Variants in PLCH1 observed in about 807,000 individuals in gnomAD.
PLCH1 encodes the protein 1-phosphatidylinositol 4,5-bisphosphate phosphodiesterase eta-1.
A neutral mutation model predicts 126.7 loss-of-function variants in PLCH1; 60 were observed. The observed-to-expected ratio is 0.47, with a 90% CI of 0.38 to 0.59. The LOEUF (loss-of-function observed/expected upper bound fraction) is 0.59, where lower values mean the gene tolerates loss of function less well. PLCH1 is among the 20% of genes least tolerant of loss of function. The probability of loss-of-function intolerance (pLI) is 0.00; values close to 1 mark genes in which losing one functional copy is unlikely to be tolerated. For missense variants in PLCH1, 1,723 were observed against 2,040.0 expected (o/e 0.84, Z 2.99); for synonymous variants, 719 against 734.9 (o/e 0.98, Z 0.35).
At chr3:155,664,162 G>A (rs893548252) in intron 2 of PLCH1, among the ~76,000 whole-genome samples, 4 of 152,172 alleles carry the variant, frequency 2.6e-5, no homozygotes, top group African/African-American at 9.7e-5. Context: ...ATAGTAGAGG[G>A]GATTCAGCTG....
At position 155,471,439 on chromosome 3, in the gene PLCH1, G is replaced by A. The variant is rs1185886668; in HGVS notation, c.2938+13917C>T. On this transcript the variant is annotated intron_variant, in intron 21 of 21. Coordinates refer to the PLCH1 transcript ENST00000494598. ...CAGATTCATAAAGCAAGTCCTGAGT[G>A]ACCTACAAAGAGACTTAGACTCCCA... is the stretch of plus-strand genomic sequence containing the variant. 2.0e-5 allele frequency among the ~76,000 whole-genome samples: 3 copies of A among 149,160 alleles called. No homozygotes were observed. In the Admixed American group the frequency reaches 2.0e-4, roughly 10 times the overall value.
At position 155,486,307 on chromosome 3, in the gene PLCH1, A is replaced by G. The variant is rs1382380024; in HGVS notation, c.2620-597T>C. 4.3e-6 allele frequency: 3 copies of G among 690,140 alleles called. No homozygotes were observed. In the Admixed American group the frequency reaches 8.3e-5, roughly 19 times the overall value. 42.8% of individuals were successfully genotyped at this position (690,140 alleles called of 1,614,324 possible). A position where few individuals can be genotyped will look rare whatever the true frequency, so the allele number is the denominator to read the frequency against. On this transcript the variant is annotated intron_variant, in intron 21 of 22. Transcript: ENST00000460012. ...AGAAAAAATGCATACATGTCTATAA[A>G]CCCTTTCTCTTAGTTTTGGGGATTT... is the stretch of plus-strand genomic sequence containing the variant.
rs75202751 is a variant in PLCH1, at chr3:155,575,878, A to C, written c.772-7554T>G. On this transcript the variant is annotated intron_variant, in intron 6 of 22. Transcript: ENST00000460012. ...ATTGTTCAGACTGATCTTGAACTCC[A>C]GGGCTCAAGTGATCCTCCTGCCTGC... 3.0e-3 allele frequency among the ~76,000 whole-genome samples: 453 copies of C among 152,202 alleles called. 3 individuals are homozygous for C. The highest frequency in any genetic ancestry group is 0.01 in the African/African-American group (423 of 41,548).
At chr3:155,469,797 C>T (rs1713104474) in intron 21 of PLCH1, among the ~76,000 whole-genome samples, 2 of 151,990 alleles carry the variant, frequency 1.3e-5, no homozygotes, top group South Asian at 2.1e-4. Flanking sequence ...AACTGGGAGG[C>T]ACCCCCCAGC....
chr3:155,558,484 T>C (rs1171154542), intron 8 of PLCH1, among the ~76,000 whole-genome samples: 1 of 152,200 alleles, frequency 6.6e-6, no homozygotes, highest in East Asian at 1.9e-4. Flanking sequence ...ACATACACCC[T>C]TGTTTTTTTC....
intron 1 of PLCH1, among the ~76,000 whole-genome samples, chr3:155,734,857 C>T (rs148615927): frequency 0.028 from 4,287 of 152,012 alleles, 100 homozygotes; most frequent in East Asian, 0.082. Context: ...TACAGGCACC[C>T]GCCACCACGC....
intron 2 of PLCH1, among the ~76,000 whole-genome samples, chr3:155,627,964 G>T (rs889393360): frequency 6.6e-6 from 1 of 151,578 alleles, no homozygotes; most frequent in Non-Finnish European, 1.5e-5. Context: ...GCAGGGTTTC[G>T]CCATGTTGGC....
intron 21 of PLCH1, among the ~76,000 whole-genome samples, chr3:155,469,387 C>A (rs1713072837): frequency 6.6e-6 from 1 of 151,926 alleles, no homozygotes; most frequent in Admixed American, 6.6e-5. Context: ...AAACGGTGCA[C>A]CACGAGATTA....
chr3:155,682,636 G>A lies in PLCH1; in HGVS notation c.79+21510C>T, dbSNP rs73876915. Among the ~76,000 whole-genome samples, 842 of 152,298 alleles carry A rather than the reference G, an allele frequency of 5.5e-3. 10 individuals carry two copies. The highest frequency in any genetic ancestry group is 0.019 in the African/African-American group (799 of 41,564). On this transcript the variant is annotated intron_variant, in intron 2 of 22. Coordinates refer to ENST00000460012, the MANE Select transcript of PLCH1 (RefSeq NM_014996.4). ...TTCTGCATTTGCAAAAGAGGAAGCT[G>A]AGCCTCAGCAGCTCCCTATGAATGT...
intron 2 of PLCH1, among the ~76,000 whole-genome samples, chr3:155,610,228 G>A (rs12632543): frequency 0.13 from 20,027 of 151,780 alleles, 1,998 homozygotes; most frequent in East Asian, 0.43. Flanking sequence ...GGGCATGGTT[G>A]CACATGCCTA....
At position 155,514,848 on chromosome 3, in the gene PLCH1, T is replaced by C. The variant is rs1328367992; in HGVS notation, c.1507A>G (p.Ile503Val). The change falls in exon 12 of 23, where the codon ATA (isoleucine) becomes GTA (valine). Residue 503 changes from isoleucine (I) to valine (V), a missense_variant. This residue lies in a region of PLCH1 where 776 missense variants were observed against 1,062.9 expected (regional missense o/e 0.73). Transcript: ENST00000460012. The stretch of plus-strand genomic sequence containing the variant: ...AACAGTGACTCCAGTTTTTTCCTTA[T>C]GAAAGATTCCACCTGATGCTCAGTG... The part of the protein sequence containing the change: ...GTTEHQVESF[I>V]RKKLESLLKE... 1.2e-6 allele frequency: 2 copies of C among 1,611,296 alleles called. No homozygotes were observed. Among genetic ancestry groups the C allele is most frequent in the East Asian group, 2.2e-5 (1 of 44,862 alleles).
At chr3:155,703,162 A>G (rs1379105972) in intron 2 of PLCH1, among the ~76,000 whole-genome samples, 2 of 152,216 alleles carry the variant, frequency 1.3e-5, no homozygotes, top group African/African-American at 4.8e-5. Flanking sequence ...AACACTATAA[A>G]CACCAAAGTG....
chr3:155,591,893 A>T (rs2108634237), intron 4 of PLCH1, among the ~76,000 whole-genome samples: 1 of 152,102 alleles, frequency 6.6e-6, no homozygotes, highest in Admixed American at 6.5e-5. Flanking sequence ...GTTTGTAAAG[A>T]TGGGGTCTCA....
chr3:155,483,114 C>A, intron 22 of PLCH1, 63 bp from the exon 23 acceptor site: 1 of 1,402,132 alleles, frequency 7.1e-7, no homozygotes, highest in South Asian at 1.3e-5. Flanking sequence ...TGCAAACACT[C>A]ATGTTGTCTT....
chr3:155,608,559 G>T (rs1469098853), intron 2 of PLCH1, among the ~76,000 whole-genome samples: 2 of 152,082 alleles, frequency 1.3e-5, no homozygotes, highest in Non-Finnish European at 2.9e-5. Flanking sequence ...CAGCTCACTA[G>T]CTTCATGGAA....
intron 2 of PLCH1, among the ~76,000 whole-genome samples, chr3:155,611,637 A>G (rs1013440610): frequency 6.6e-6 from 1 of 152,186 alleles, no homozygotes; most frequent in Non-Finnish European, 1.5e-5. Flanking sequence ...ACAAAAAAAC[A>G]ATGGACTTAA....
At chr3:155,572,096 A>G (rs1420451305) in intron 6 of PLCH1, among the ~76,000 whole-genome samples, 1 of 152,218 alleles carries the variant, frequency 6.6e-6, no homozygotes, top group East Asian at 1.9e-4. Flanking sequence ...CAGATAATCC[A>G]TGAATTGTGC....
At chr3:155,666,893 GGTGT>G (rs3220185) in intron 2 of PLCH1, among the ~76,000 whole-genome samples, 4,895 of 148,688 alleles carry the variant, frequency 0.033, 208 homozygotes, top group African/African-American at 0.094. Context: ...ACACAGATGA[GGTGT>G]GTGTGTGTGT....
intron 6 of PLCH1, among the ~76,000 whole-genome samples, chr3:155,568,782 G>GTGTA (rs1020669768): frequency 5.9e-5 from 9 of 151,780 alleles, no homozygotes; most frequent in African/African-American, 2.2e-4. Flanking sequence ...GTGTGTGTGT[G>GTGTA]TTTGTATCCA....
Sources: allele counts gnomAD v4.1 joint callset (sites outside exome capture counted in the v4.1 genomes callset), GRCh38; gene constraint gnomAD v4.1.1; regional missense constraint gnomAD v4.1.1; transcripts MANE v1.5; gene names NCBI Gene and HGNC (gene_info 2026-07-23, HGNC 2026-07-21).